Variants in CRHR2 observed in about 807,000 individuals in gnomAD.
CRHR2 encodes corticotropin-releasing hormone receptor 2.
CRHR2 carries 53 observed loss-of-function variants against 57.9 expected under a neutral mutation model. The ratio of observed to expected loss-of-function variants is 0.92; its 90% CI spans 0.73 to 1.15. CRHR2 has a LOEUF of 1.15. Ranked by LOEUF, CRHR2 falls within the 50% of genes most tolerant of loss-of-function variation. CRHR2 has a pLI of 0.00. For missense variants in CRHR2, 532 were observed against 542.6 expected, an observed-to-expected ratio of 0.98 and a Z score of 0.19; for synonymous variants, 213 against 220.9, an observed-to-expected ratio of 0.96 and a Z score of 0.32.
rs774059129 is a variant in CRHR2, at chr7:30,655,643, G to A, written c.990C>T (p.Pro330=). The A allele has an allele frequency of 5.0e-6, 8 of 1,614,040 alleles. No individual in the cohort carries two copies. Among genetic ancestry groups the A allele is most frequent in the African/African-American group, 1.3e-5 (1 of 74,948 alleles). ...TGATCTGTGACAGGTCGTCCTCCCC[G>A]GGATTGACGAAGAAGAGCATGTAGG... ...GITYMLFFVN[P]GEDDLSQIMF... The change falls in exon 10 of 12, where the codon CCC becomes CCT. Residue 330 remains proline, a synonymous_variant. Transcript: ENST00000471646.
chr7:30,668,311 G>C (rs1409712501), intron 2 of CRHR2, among the ~76,000 whole-genome samples: 1 of 152,078 alleles, frequency 6.6e-6, no homozygotes, highest in Non-Finnish European at 1.5e-5. Context: ...CACCTGAGAA[G>C]GCCCGGAGCT....
chr7:30,665,419 G>T lies in CRHR2; in HGVS notation c.425+111C>A. On this transcript the variant is annotated intron_variant, in intron 4 of 11. Coordinates refer to ENST00000471646, the MANE Select transcript of CRHR2 (RefSeq NM_001883.5). This position sits in a 1 kb window ranked among gnomAD's most constrained non-coding sequence, Gnocchi z 4.5. ...CCACCCAAACCCCACTTTCTCCACG[G>T]GCCCTTTTATCTGCTGGGCCCCAGA... The T allele has an allele frequency of 1.0e-6, 1 of 1,001,606 alleles. No individual in the cohort carries two copies. Among genetic ancestry groups the T allele is most frequent in the Non-Finnish European group, 1.5e-6 (1 of 667,950 alleles). The allele number at this position is 1,001,606 out of a possible 1,614,324, so 62.0% of individuals were successfully genotyped here.
In CRHR2 at chr7:30,656,109, C is replaced by G; in HGVS notation, c.832-97G>C. On this transcript the variant is annotated intron_variant, in intron 8 of 11. Transcript: ENST00000471646. This position sits in a 1 kb window ranked among gnomAD's most constrained non-coding sequence, Gnocchi z 4.4. ...CCCCTTCCCCGCAGACCCCTGGAAA[C>G]CGATGTCCCACGCACACACCTATCC... 3 of 1,135,222 alleles carry G rather than the reference C, an allele frequency of 2.6e-6. No homozygotes were observed. Among genetic ancestry groups the G allele is most frequent in the Non-Finnish European group, 3.9e-6 (3 of 760,966 alleles). The allele number at this position is 1,135,222 out of a possible 1,614,324, so 70.3% of individuals were successfully genotyped here.
intron 2 of CRHR2, among the ~76,000 whole-genome samples, chr7:30,680,818 T>TTGTGTG (rs60568949): frequency 0.014 from 2,033 of 145,468 alleles, 27 homozygotes; most frequent in East Asian, 0.053. Context: ...TTCTGAAAGC[T>TTGTGTG]TGTGTGTGTG....
chr7:30,682,568 G>T (rs1784761644), upstream of CRHR2: 5 of 1,162,970 alleles, frequency 4.3e-6, no homozygotes, highest in South Asian at 2.8e-5. Context: ...TCTCGGAGGG[G>T]CTCAGTCTCC....
intron 1 of CRHR2, among the ~76,000 whole-genome samples, chr7:30,690,678 G>C (rs1461159140): frequency 6.9e-6 from 1 of 144,200 alleles, no homozygotes; most frequent in Non-Finnish European, 1.5e-5. Flanking sequence ...TGCTGGGACT[G>C]GAAGCTGCAT....
Position 30,653,478 on chromosome 7 carries a change from C to T in CRHR2, c.1218G>A (p.Lys406=). 6.2e-7 allele frequency: 1 copy of T among 1,613,504 alleles called. No individual in the cohort carries two copies. Among genetic ancestry groups the T allele is most frequent in the Non-Finnish European group, 8.5e-7 (1 of 1,179,886 alleles). The change falls in exon 12 of 12, where the codon AAG becomes AAA. Residue 406 remains lysine (K), a synonymous_variant. Transcript: ENST00000471646. The surrounding 1 kb of genome is among the most constrained non-coding windows in gnomAD (Gnocchi z 5.0). ...CGAGGGGTCACACAGCGGCCGTCTG[C>T]TTGATGCTGTGGAAGCTGATCCGTG... ...SPTRISFHSI[K]QTAAV is the part of the protein sequence containing the mutation.
rs771508539 is a variant in CRHR2 at position 30,655,928 on chromosome 7, T to C, written c.916A>G (p.Arg306Gly). 3.7e-6 allele frequency: 6 copies of C among 1,613,832 alleles called. No individual in the cohort carries two copies. Among genetic ancestry groups the C allele is most frequent in the Non-Finnish European group, 4.2e-6 (5 of 1,179,886 alleles). The stretch of plus-strand genomic sequence containing the variant: ...GGGTCAAGGGACCCCCTCACATACC[T>C]GTACTGGATTGTCTCGGATGTGGTG... ...ASTTSETIQYRKAVKATLVLL... is the reference protein window; with the variant it reads ...ASTTSETIQYGKAVKATLVLL... The change falls in exon 9 of 12, where the codon AGG (arginine) becomes GGG (glycine). Residue 306 changes from arginine to glycine, a missense_variant and splice_region_variant. By Grantham distance (125) the Arg-to-Gly change is moderately radical (BLOSUM62 -2). Coordinates refer to ENST00000471646, the MANE Select transcript of CRHR2 (RefSeq NM_001883.5).
At chr7:30,659,095 A>G (rs1389595930) in intron 8 of CRHR2, among the ~76,000 whole-genome samples, 1 of 152,236 alleles carries the variant, frequency 6.6e-6, no homozygotes, top group Non-Finnish European at 1.5e-5. Context: ...GGACTTGAGC[A>G]TGCAAGGGTT....
At chr7:30,686,301 G>T, upstream of CRHR2, 1 of 1,401,230 alleles carries the variant, frequency 7.1e-7, no homozygotes, top group Admixed American at 3.1e-5. Context: ...CCAAGGGCAG[G>T]GCTGGTCCTG....
chr7:30,700,057 G>T, exon 1 of CRHR2: 1 of 1,371,788 alleles, frequency 7.3e-7, no homozygotes, highest in South Asian at 1.7e-5. Flanking sequence ...GGGGGTTAGG[G>T]ACTGGAGCCT....
chr7:30,674,271 A>G (rs887925403), intron 2 of CRHR2, among the ~76,000 whole-genome samples: 10 of 152,174 alleles, frequency 6.6e-5, no homozygotes, highest in African/African-American at 2.2e-4. Flanking sequence ...CTCCCCAGAG[A>G]GGGGCAGTGG....
chr7:30,662,136 T>C lies in CRHR2; in HGVS notation c.758+20A>G, dbSNP rs370116748. 185 of 1,613,418 alleles carry C rather than the reference T, an allele frequency of 1.1e-4. No individual in the cohort carries two copies. The African/African-American group carries it at 2.3e-3, about 20-fold the overall frequency. ...CCATTCCCTTCCCCATGACCCCCCA[T>C]GGCTGGCCCATCCACTTACTGTTCA... On this transcript the variant is annotated intron_variant, in intron 7 of 11. Transcript: ENST00000471646.
intron 3 of CRHR2, among the ~76,000 whole-genome samples, 161 bp downstream of exon 3, chr7:30,667,067 A>G (rs1784208898): frequency 6.6e-6 from 1 of 152,238 alleles, no homozygotes; most frequent in African/African-American, 2.4e-5. Context: ...CTACAGTGTC[A>G]CTAAGCACAG....
chr7:30,666,195 T>C (rs1784180233), intron 3 of CRHR2, among the ~76,000 whole-genome samples: 1 of 152,114 alleles, frequency 6.6e-6, no homozygotes, highest in African/African-American at 2.4e-5. Context: ...TTGATGTCTA[T>C]ACAATGGGGC....
chr7:30,666,294 G>T (rs1279822051), intron 3 of CRHR2, among the ~76,000 whole-genome samples: 1 of 152,182 alleles, frequency 6.6e-6, no homozygotes, highest in Non-Finnish European at 1.5e-5. Flanking sequence ...GACCACACGA[G>T]GGGGTGCACT....
intron 5 of CRHR2, among the ~76,000 whole-genome samples, chr7:30,663,222 G>A (rs1346550480): frequency 6.6e-6 from 1 of 152,124 alleles, no homozygotes; most frequent in East Asian, 1.9e-4. Flanking sequence ...TCCATAGCAA[G>A]TCAGACCTGC....
Position 30,655,671 on chromosome 7 carries a change from A to G in CRHR2, c.962T>C (p.Ile321Thr), listed in dbSNP as rs751886152. The part of the protein sequence containing the change: ...ATLVLLPLLG[I>T]TYMLFFVNPG... ...ATTGACGAAGAAGAGCATGTAGGTG[A>G]TGCCCAGGAGGGGCAGGAGCACCAG... The change falls in exon 10 of 12, where the codon ATC becomes ACC. Residue 321 changes from isoleucine to threonine, a missense_variant. Physicochemically the swap from Ile to Thr is moderately conservative, Grantham distance 89. Transcript: ENST00000471646. 8.1e-6 allele frequency: 13 copies of G among 1,614,042 alleles called. 1 individual carries two copies. Among genetic ancestry groups the G allele is most frequent in the Non-Finnish European group, 1.1e-5 (13 of 1,179,996 alleles).
At chr7:30,655,900 G>T (rs1783768625) in intron 9 of CRHR2, 27 bp downstream of exon 9, 1 of 1,606,584 alleles carries the variant, frequency 6.2e-7, no homozygotes, top group South Asian at 1.1e-5. Context: ...TGTCCCCATT[G>T]TGGGGTCAAG....
Sources: allele counts gnomAD v4.1 joint callset (sites outside exome capture counted in the v4.1 genomes callset), GRCh38; gene constraint gnomAD v4.1.1; non-coding constraint Gnocchi (gnomAD v3.1); transcripts MANE v1.5; gene names NCBI Gene and HGNC (gene_info 2026-07-23, HGNC 2026-07-21).